DOCK10: variants seen among roughly 807,000 people sequenced by gnomAD.
The protein encoded by DOCK10 is dedicator of cytokinesis 10.
Under a neutral mutation model 280.1 loss-of-function variants are expected in DOCK10, and 145 were observed. The ratio of observed to expected loss-of-function variants is 0.52; its 90% confidence interval spans 0.45 to 0.59. The LOEUF is 0.59. Among genes scored for constraint, DOCK10 ranks in the 20% least tolerant of loss-of-function variants. DOCK10 has a pLI of 0.00. For synonymous variants in DOCK10, 915 were observed against 942.2 expected, an observed-to-expected ratio of 0.97 and a Z score of 0.53; for missense variants, 2,368 against 2,651.7, an observed-to-expected ratio of 0.89 and a Z score of 2.35.
chr2:224,883,901 A>C (rs768424897), intron 7 of DOCK10, among the ~76,000 whole-genome samples: 3 of 152,240 alleles, frequency 2.0e-5, no homozygotes, highest in Non-Finnish European at 4.4e-5. Flanking sequence ...CTTCTTAAAA[A>C]ATGATGACTC....
At chr2:224,889,251 T>A (rs529591119) in intron 4 of DOCK10, among the ~76,000 whole-genome samples, 1 of 152,292 alleles carries the variant, frequency 6.6e-6, no homozygotes, top group Non-Finnish European at 1.5e-5. Flanking sequence ...ATGCATAAAA[T>A]TGCTATTCTG....
intron 1 of DOCK10, among the ~76,000 whole-genome samples, chr2:224,985,396 T>C (rs1705945889): frequency 6.6e-6 from 1 of 151,326 alleles, no homozygotes; most frequent in Admixed American, 6.6e-5. Flanking sequence ...TGTATGTTAT[T>C]TCATATATAA....
At chr2:224,925,326 A>G (rs1469140537) in intron 2 of DOCK10, among the ~76,000 whole-genome samples, 1 of 152,202 alleles carries the variant, frequency 6.6e-6, no homozygotes, top group Non-Finnish European at 1.5e-5. Context: ...TGCTAAAGAC[A>G]TACTATGAAA....
At chr2:224,803,969 C>A (rs1250241453) in intron 39 of DOCK10, 143 bp downstream of exon 39, 2 of 554,064 alleles carry the variant, frequency 3.6e-6, no homozygotes, top group Non-Finnish European at 6.3e-6. Flanking sequence ...TACTTGAAAT[C>A]TGCACTTGGT....
intron 1 of DOCK10, among the ~76,000 whole-genome samples, chr2:225,008,436 G>C (rs1689339814): frequency 6.6e-6 from 1 of 152,192 alleles, no homozygotes; most frequent in Non-Finnish European, 1.5e-5. Flanking sequence ...CATGTTTTAA[G>C]AAGATACACA....
At chr2:224,810,070 G>A (rs1171290732) in intron 31 of DOCK10, among the ~76,000 whole-genome samples, 2 of 149,552 alleles carry the variant, frequency 1.3e-5, no homozygotes, top group Non-Finnish European at 3.0e-5. Flanking sequence ...AGTGAAATAA[G>A]CCAAACACAG....
rs762369571 is a variant in DOCK10, at chr2:224,795,017, C to T, written c.5016G>A (p.Lys1672=). The T allele has an allele frequency of 6.8e-6, 11 of 1,613,814 alleles. No homozygotes were observed. In the South Asian group the frequency reaches 1.2e-4, roughly 18 times the overall value. ...RTVLMATAQM[K]EHEKDPEMLV... is the part of the protein sequence containing the mutation. ...GCATCTCGGGGTCCTTCTCGTGCTC[C>T]TTCATCTGAGCTGTGGCCATCAAAA... Residue 1672 remains lysine (K), a synonymous_variant, in exon 45 of 56, where the codon AAG becomes AAA. Transcript: ENST00000258390.
chr2:225,014,081 A>ATATATTTTTTT (rs776104946), intron 1 of DOCK10, among the ~76,000 whole-genome samples: 10 of 96,824 alleles, frequency 1.0e-4, no homozygotes, highest in East Asian at 3.2e-4. Context: ...GTCTGAATAT[A>ATATATTTTTTT]TTGTTTTTTT....
intron 40 of DOCK10, among the ~76,000 whole-genome samples, chr2:224,801,302 AAC>A (rs1491283332): frequency 1.8e-4 from 28 of 151,610 alleles, no homozygotes; most frequent in Admixed American, 1.3e-3. Context: ...AAAAAAAAAA[AAC>A]ATATTTGGGG....
At chr2:224,829,669 A>G (rs1224598734) in intron 27 of DOCK10, among the ~76,000 whole-genome samples, 4 of 152,172 alleles carry the variant, frequency 2.6e-5, no homozygotes. Context: ...TGGTGTGAGT[A>G]GAGTATGATG....
At chr2:224,956,957 T>C (rs1219103567) in intron 1 of DOCK10, among the ~76,000 whole-genome samples, 1 of 152,270 alleles carries the variant, frequency 6.6e-6, no homozygotes, top group East Asian at 1.9e-4. Flanking sequence ...TGGCCACGGC[T>C]GTGCTTGGAA....
chr2:224,766,223 T>C (rs889223729), intron 55 of DOCK10, among the ~76,000 whole-genome samples: 2 of 152,212 alleles, frequency 1.3e-5, no homozygotes, highest in Admixed American at 6.5e-5. Context: ...AAAGGAAATA[T>C]AGTAAAAAAG....
intron 1 of DOCK10, among the ~76,000 whole-genome samples, chr2:224,944,048 C>A (rs1349610228): frequency 1.3e-5 from 2 of 152,136 alleles, no homozygotes; most frequent in East Asian, 3.9e-4. Flanking sequence ...CAGGCATAAG[C>A]CATCATGCCC....
At chr2:224,790,215 C>T (rs748340719) in intron 47 of DOCK10, among the ~76,000 whole-genome samples, 3 of 152,202 alleles carry the variant, frequency 2.0e-5, no homozygotes, top group African/African-American at 4.8e-5. Flanking sequence ...GTAACATTCC[C>T]AGAGGAGAGA....
chr2:224,892,513 C>T (rs1014717666), intron 4 of DOCK10, among the ~76,000 whole-genome samples: 4 of 151,292 alleles, frequency 2.6e-5, no homozygotes, highest in East Asian at 1.9e-4. Context: ...GCAAAGGCCA[C>T]GTGTAGAAAG....
At chr2:224,793,498 T>C in intron 45 of DOCK10, 41 bp from the exon 46 acceptor site, 1 of 1,515,182 alleles carries the variant, frequency 6.6e-7, no homozygotes, top group South Asian at 1.1e-5. Context: ...GGGGATGGAG[T>C]TTAATATAAT....
chr2:225,021,860 G>T (rs1401615912), intron 1 of DOCK10, among the ~76,000 whole-genome samples: 3 of 152,136 alleles, frequency 2.0e-5, no homozygotes, highest in Admixed American at 1.3e-4. Context: ...ACAGTTTTTT[G>T]GGGAGGCACT....
At chr2:225,026,322 G>A (rs1689921285) in intron 1 of DOCK10, among the ~76,000 whole-genome samples, 1 of 152,204 alleles carries the variant, frequency 6.6e-6, no homozygotes, top group Admixed American at 6.5e-5. Context: ...TCAAAGCTGT[G>A]TGTTCACAAG....
intron 3 of DOCK10, among the ~76,000 whole-genome samples, chr2:224,898,939 AG>A (rs1419807593): frequency 6.6e-6 from 1 of 152,216 alleles, no homozygotes; most frequent in Non-Finnish European, 1.5e-5. Flanking sequence ...TAAAGATGCC[AG>A]GGATTTAGAC....
Sources: gnomAD v4.1 joint callset for allele counts (sites outside exome capture counted in the v4.1 genomes callset) on GRCh38, gnomAD v4.1.1 for gene constraint, MANE v1.5 for transcripts, NCBI Gene and HGNC (gene_info 2026-07-23, HGNC 2026-07-21) for gene names.